The following EVL variants were observed in gnomAD, a reference collection of about 807,000 sequenced individuals.
EVL encodes Enah/Vasp-like.
EVL carries 21 observed loss-of-function variants against 59.6 expected under a neutral mutation model. The ratio of observed to expected loss-of-function variants is 0.35; its 90% CI spans 0.25 to 0.51. The LOEUF (loss-of-function observed/expected upper bound fraction) is 0.51, where lower values mean the gene tolerates loss of function less well. Ranked by LOEUF, EVL falls within the 20% of genes least tolerant of loss-of-function variation. The pLI is 0.97. For synonymous variants in EVL, 198 were observed against 203.5 expected, an observed-to-expected ratio of 0.97 and a Z score of 0.23; for missense variants, 462 against 546.6, an observed-to-expected ratio of 0.85 and a Z score of 1.54.
chr14:100,118,777 TTGTG>T (rs1344885408), intron 3 of EVL, among the ~76,000 whole-genome samples: 1 of 152,138 alleles, frequency 6.6e-6, no homozygotes, highest in Non-Finnish European at 1.5e-5. Context: ...CCCTCCCCTC[TTGTG>T]TGTTTCTCCC....
chr14:100,038,320 C>T (rs2061416844), intron 1 of EVL, among the ~76,000 whole-genome samples: 1 of 152,226 alleles, frequency 6.6e-6, no homozygotes, highest in South Asian at 2.1e-4. Context: ...TTTAAACAAA[C>T]TGATCTTATC....
chr14:99,974,938 AG>A (rs1329513541), intron 1 of EVL: 2 of 152,544 alleles, frequency 1.3e-5, no homozygotes, highest in Non-Finnish European at 2.9e-5. Context: ...CTTGATGGGC[AG>A]GGAGAGGAGA....
At chr14:99,990,630 C>T (rs181906443) in intron 1 of EVL, among the ~76,000 whole-genome samples, 1 of 152,276 alleles carries the variant, frequency 6.6e-6, no homozygotes, top group East Asian at 1.9e-4. Context: ...TTTCACTTAG[C>T]ATAATGTCCT....
At chr14:100,013,549 TGTG>T (rs1193383562) in intron 1 of EVL, among the ~76,000 whole-genome samples, 1 of 152,272 alleles carries the variant, frequency 6.6e-6, no homozygotes, top group Non-Finnish European at 1.5e-5. Context: ...CATAGCCACT[TGTG>T]GAGAGAAGGT....
At chr14:100,034,687 A>G (rs1434681537) in intron 1 of EVL, among the ~76,000 whole-genome samples, 1 of 152,110 alleles carries the variant, frequency 6.6e-6, no homozygotes, top group Non-Finnish European at 1.5e-5. Context: ...ACAGTAAACA[A>G]TGAGCATGCC....
At chr14:100,065,913 A>G (rs892575143) in intron 1 of EVL, among the ~76,000 whole-genome samples, 1 of 152,182 alleles carries the variant, frequency 6.6e-6, no homozygotes, top group African/African-American at 2.4e-5. Flanking sequence ...TTTTTTCTAA[A>G]TATAGGCAGA....
intron 3 of EVL, among the ~76,000 whole-genome samples, chr14:100,104,902 CTTTTTTTTTTTTT>C (rs568203851): frequency 1.0e-5 from 1 of 99,524 alleles, no homozygotes; most frequent in Admixed American, 1.2e-4. Context: ...CCTCTCTTTA[CTTTTTTTTTTTTT>C]TTTTTTTTTT....
intron 1 of EVL, among the ~76,000 whole-genome samples, chr14:99,987,676 G>T (rs2060848126): frequency 6.6e-6 from 1 of 152,010 alleles, no homozygotes; most frequent in Non-Finnish European, 1.5e-5. Context: ...TAAATAAAAG[G>T]GGTTTGAGGG....
chr14:100,017,815 A>G (rs1272475949), intron 1 of EVL, among the ~76,000 whole-genome samples: 1 of 152,120 alleles, frequency 6.6e-6, no homozygotes, highest in Non-Finnish European at 1.5e-5. Flanking sequence ...GGTTTGGGGG[A>G]CCACAGGATT....
At chr14:100,096,615 T>G (rs1373377744) in intron 2 of EVL, among the ~76,000 whole-genome samples, 2 of 152,224 alleles carry the variant, frequency 1.3e-5, no homozygotes, top group African/African-American at 4.8e-5. Flanking sequence ...CTAGAAGGGA[T>G]GGGAAGCAGA....
intron 1 of EVL, among the ~76,000 whole-genome samples, chr14:100,012,260 G>A (rs1160815814): frequency 6.6e-6 from 1 of 152,188 alleles, no homozygotes; most frequent in African/African-American, 2.4e-5. Flanking sequence ...GCTTTTTTAG[G>A]TTATGGGGTC....
At chr14:100,086,551 T>G (rs1226375065) in intron 2 of EVL, among the ~76,000 whole-genome samples, 1 of 152,204 alleles carries the variant, frequency 6.6e-6, no homozygotes, top group Non-Finnish European at 1.5e-5. Context: ...GACGGCATGG[T>G]GTACTGGAAA....
chr14:99,982,256 T>A (rs978762459), intron 1 of EVL, among the ~76,000 whole-genome samples: 4 of 152,156 alleles, frequency 2.6e-5, no homozygotes, highest in Admixed American at 2.0e-4. Flanking sequence ...ATATGTGCAC[T>A]TCCCCCTTAC....
chr14:100,141,199 G>A lies in EVL; in HGVS notation c.1114G>A (p.Val372Met), dbSNP rs367893270. ...TCCCAGGATGAAGCCTGCTGGGAGCGTGAATGACATGGCCCTGGATGCCTT... is the reference window on the plus strand; with the variant it reads ...TCCCAGGATGAAGCCTGCTGGGAGCATGAATGACATGGCCCTGGATGCCTT... ...PHSRMKPAGSVNDMALDAFDL... is the reference protein window; with the variant it reads ...PHSRMKPAGSMNDMALDAFDL... The change falls in exon 12 of 14, where the codon GTG (valine) becomes ATG (methionine). Residue 372 changes from valine to methionine, a missense_variant. Physicochemically the swap from Val to Met is conservative, Grantham distance 21. Transcript: ENST00000392920. The A allele has an allele frequency of 3.7e-6, 6 of 1,613,736 alleles. No homozygotes were observed. The Admixed American group carries it at 5.0e-5, about 13-fold the overall frequency.
At chr14:100,131,061 C>T (rs539979541) in intron 7 of EVL, among the ~76,000 whole-genome samples, 4 of 152,368 alleles carry the variant, frequency 2.6e-5, no homozygotes, top group Admixed American at 6.5e-5. Context: ...CTGACGCCCC[C>T]TGTGCCTGGA....
intron 3 of EVL, among the ~76,000 whole-genome samples, chr14:100,113,673 C>T (rs1887147204): frequency 6.6e-6 from 1 of 152,064 alleles, no homozygotes; most frequent in Non-Finnish European, 1.5e-5. Context: ...CCTTTGAAGT[C>T]CAGTGTTGTG....
chr14:100,050,044 C>T (rs1337395520), intron 1 of EVL, among the ~76,000 whole-genome samples: 1 of 152,124 alleles, frequency 6.6e-6, no homozygotes, highest in African/African-American at 2.4e-5. Context: ...TTACGTTAGT[C>T]GATCCTCGCT....
chr14:99,995,643 C>T (rs1460676215), intron 1 of EVL, among the ~76,000 whole-genome samples: 1 of 152,104 alleles, frequency 6.6e-6, no homozygotes, highest in Non-Finnish European at 1.5e-5. Context: ...GGCCATGTTT[C>T]CCTGTTTCTT....
chr14:100,089,562 GA>G (rs1168312533), intron 2 of EVL, among the ~76,000 whole-genome samples: 1 of 152,214 alleles, frequency 6.6e-6, no homozygotes, highest in Non-Finnish European at 1.5e-5. Context: ...GTGTAAACTA[GA>G]AAATATTTTG....
Sources: gnomAD v4.1 joint callset for allele counts (sites outside exome capture counted in the v4.1 genomes callset) on GRCh38, gnomAD v4.1.1 for gene constraint, MANE v1.5 for transcripts, NCBI Gene and HGNC (gene_info 2026-07-23, HGNC 2026-07-21) for gene names.